PCDHGB5: variants seen among roughly 807,000 people sequenced by gnomAD.
PCDHGB5 encodes protocadherin gamma-B5.
Under a neutral mutation model 62.9 loss-of-function variants are expected in PCDHGB5, and 48 were observed. The observed-to-expected ratio is 0.76, with a 90% CI of 0.61 to 0.97. PCDHGB5 has a LOEUF of 0.97. Ranked by LOEUF, PCDHGB5 falls within the 50% of genes least tolerant of loss-of-function variation. The pLI, the probability that PCDHGB5 is intolerant of heterozygous loss-of-function variation, is 0.00. For synonymous variants in PCDHGB5, 474 were observed against 511.2 expected, an observed-to-expected ratio of 0.93 and a Z score of 0.98; for missense variants, 1,118 against 1,198.6, an observed-to-expected ratio of 0.93 and a Z score of 0.99.
Position 141,486,639 on chromosome 5 carries a change from T to G in PCDHGB5, c.2398-8168T>G, listed in dbSNP as rs1250700423. ...GACCCAGACTCTGGCTTGAATGCGC[T>G]TATCTCCTACTCACTCCTGGAGCCC... On this transcript the variant is annotated intron_variant, in intron 1 of 3. Transcript: ENST00000617380. The surrounding 1 kb of genome is among the most constrained non-coding windows in gnomAD (Gnocchi z 5.0). The G allele has an allele frequency of 6.2e-7, 1 of 1,613,818 alleles. No individual in the cohort carries two copies. The highest frequency in any genetic ancestry group is 1.1e-5 in the South Asian group (1 of 91,084).
At chr5:141,407,535 T>C (rs1471174995) in intron 1 of PCDHGB5, among the ~76,000 whole-genome samples, 1 of 151,840 alleles carries the variant, frequency 6.6e-6, no homozygotes, top group Non-Finnish European at 1.5e-5. Context: ...TTATTGTGCA[T>C]TGGTAACAGA....
In PCDHGB5 at chr5:141,430,862, G is replaced by A. The variant is rs1365140768; in HGVS notation, c.2397+30338G>A. ...CGGATGCACCCAGATACGCTATTCA[G>A]TTCCGGAAGAGCTGGAGAAAGGCTC... is the stretch of plus-strand genomic sequence containing the variant. On this transcript the variant is annotated intron_variant, in intron 1 of 3. Transcript: ENST00000617380. 3 of 1,594,672 alleles carry A rather than the reference G, an allele frequency of 1.9e-6. No individual in the cohort carries two copies. The African/African-American group carries it at 4.0e-5, about 21-fold the overall frequency.
At chr5:141,492,189 G>A (rs2099737936) in intron 1 of PCDHGB5, among the ~76,000 whole-genome samples, 1 of 152,204 alleles carries the variant, frequency 6.6e-6, no homozygotes, top group East Asian at 1.9e-4. Flanking sequence ...GCACCTGTCT[G>A]CGGGACTTAG....
chr5:141,479,435 G>C (rs2099495981), intron 1 of PCDHGB5: 1 of 152,218 alleles, frequency 6.6e-6, no homozygotes, highest in Non-Finnish European at 1.5e-5. Context: ...TCAATCCACT[G>C]TCTGCACTAA....
rs779686795 is a variant in PCDHGB5 at position 141,476,566 on chromosome 5, G to C, written c.2398-18241G>C. The stretch of plus-strand genomic sequence containing the variant: ...TGGAGATTAGCGAGGCCGTGGCTCC[G>C]GGGACGCGCTTTCCGCTCGAGAGCG... On this transcript the variant is annotated intron_variant, in intron 1 of 3. Transcript: ENST00000617380. This position sits in a 1 kb window ranked among gnomAD's most constrained non-coding sequence, Gnocchi z 7.6. 1.2e-6 allele frequency: 2 copies of C among 1,614,180 alleles called. No homozygotes were observed. The highest frequency in any genetic ancestry group is 1.7e-5 in the Admixed American group (1 of 60,030).
Position 141,423,358 on chromosome 5 carries a change from G to A in PCDHGB5, c.2397+22834G>A, listed in dbSNP as rs202010010. The A allele has an allele frequency of 2.3e-4, 371 of 1,614,078 alleles. 1 individual carries two copies. The highest frequency in any genetic ancestry group is 2.8e-4 in the Non-Finnish European group (334 of 1,180,024). ...CTGCATCTTCCTGGTCTTTGTCATC[G>A]TGCTGCTGGCACTCAGGCTGTGGCG... On this transcript the variant is annotated intron_variant, in intron 1 of 3. Coordinates refer to ENST00000617380, the MANE Select transcript of PCDHGB5 (RefSeq NM_018925.3).
rs561824381 is a variant in PCDHGB5 at position 141,449,084 on chromosome 5, C to T, written c.2398-45723C>T. Among the ~76,000 whole-genome samples, 8 of 152,250 alleles carry T rather than the reference C, an allele frequency of 5.3e-5. No individual in the cohort carries two copies. In the East Asian group the frequency reaches 1.4e-3, roughly 26 times the overall value. The stretch of plus-strand genomic sequence containing the variant: ...CTATTGAATAGCCCTGTACCTACAT[C>T]AGTTTTTACATATGCAGTATATCTT... On this transcript the variant is annotated intron_variant, in intron 1 of 3. Transcript: ENST00000617380.
chr5:141,455,961 G>C (rs1447678052), intron 1 of PCDHGB5, among the ~76,000 whole-genome samples: 1 of 150,954 alleles, frequency 6.6e-6, no homozygotes, highest in African/African-American at 2.4e-5. Context: ...GCAGTGGCGC[G>C]ATCTCAGCTC....
chr5:141,502,629 G>A (rs1368174848), intron 2 of PCDHGB5, among the ~76,000 whole-genome samples: 1 of 152,096 alleles, frequency 6.6e-6, no homozygotes, highest in Non-Finnish European at 1.5e-5. Context: ...GTAATCTGTG[G>A]ATGATACTTT....
At position 141,399,261 on chromosome 5, in the gene PCDHGB5, T is replaced by G; in HGVS notation, c.1134T>G (p.Val378=). 1.2e-6 allele frequency: 2 copies of G among 1,613,918 alleles called. No homozygotes were observed. The highest frequency in any genetic ancestry group is 1.7e-6 in the Non-Finnish European group (2 of 1,179,838). The change falls in exon 1 of 4, where the codon GTT becomes GTG. Residue 378 remains valine, a synonymous_variant. Coordinates refer to ENST00000617380, the MANE Select transcript of PCDHGB5 (RefSeq NM_018925.3). ...AAGATTCTGGGGAAAATGGGGAGGT[T>G]AATTGTCAATTACAAGGCGAAGTCC... ...HDQDSGENGE[V]NCQLQGEVPF...
rs1434083091 is a variant in PCDHGB5 at position 141,450,833 on chromosome 5, T to TA, written c.2398-43974_2398-43973insA. 6.4e-3 allele frequency among the ~76,000 whole-genome samples: 943 copies of TA among 147,260 alleles called. 6 individuals carry two copies. The highest frequency in any genetic ancestry group is 0.014 in the Middle Eastern group (4 of 276). ...TTATTTAATATTATTATTATTATTT[T>TA]TTTTTTTTTGAGATGGGGTCTTGCT... is the stretch of plus-strand genomic sequence containing the variant. On this transcript the variant is annotated intron_variant, in intron 1 of 3. Coordinates refer to ENST00000617380, the MANE Select transcript of PCDHGB5 (RefSeq NM_018925.3).
Position 141,490,271 on chromosome 5 carries a change from A to G in PCDHGB5, c.2398-4536A>G, listed in dbSNP as rs750463186. 6.8e-6 allele frequency: 11 copies of G among 1,614,246 alleles called. No homozygotes were observed. Among genetic ancestry groups the G allele is most frequent in the Non-Finnish European group, 8.5e-6 (10 of 1,180,054 alleles). On this transcript the variant is annotated intron_variant, in intron 1 of 3. Coordinates refer to ENST00000617380, the MANE Select transcript of PCDHGB5 (RefSeq NM_018925.3). The surrounding 1 kb of genome is among the most constrained non-coding windows in gnomAD (Gnocchi z 5.4). The stretch of plus-strand genomic sequence containing the variant: ...ATTCAAGTGGATGTGGGGGATGTCA[A>G]TGACAATGCCCCAGAGGTGCTATTG...
At chr5:141,438,591 C>CATATATATATATATATATAT (rs946798767) in intron 1 of PCDHGB5, among the ~76,000 whole-genome samples, 1 of 75,562 alleles carries the variant, frequency 1.3e-5, no homozygotes, top group Non-Finnish European at 2.7e-5. Context: ...TACATACATA[C>CATATATATATATATATATAT]ATATATATAT....
chr5:141,488,014 C>T (rs2099670661), intron 1 of PCDHGB5, among the ~76,000 whole-genome samples: 1 of 152,120 alleles, frequency 6.6e-6, no homozygotes, highest in South Asian at 2.1e-4. Context: ...TCTGAAGTAC[C>T]TTAACTCTAG....
intron 1 of PCDHGB5, chr5:141,413,835 C>T (rs762735722): frequency 1.9e-6 from 3 of 1,613,258 alleles, no homozygotes. Context: ...CCGCCTCCGA[C>T]GGGGGTGACC....
chr5:141,496,876 A>G (rs964149656), intron 2 of PCDHGB5, among the ~76,000 whole-genome samples: 1 of 149,154 alleles, frequency 6.7e-6, no homozygotes, highest in African/African-American at 2.5e-5. Flanking sequence ...AAAATTTGCA[A>G]CAAGTAACAC....
Position 141,476,472 on chromosome 5 carries a change from T to C in PCDHGB5, c.2398-18335T>C. On this transcript the variant is annotated intron_variant, in intron 1 of 3. Coordinates refer to ENST00000617380, the MANE Select transcript of PCDHGB5 (RefSeq NM_018925.3). The surrounding 1 kb of genome is among the most constrained non-coding windows in gnomAD (Gnocchi z 7.6). The stretch of plus-strand genomic sequence containing the variant: ...GTAGTGGAGAACCCGCTGGAGCTGT[T>C]CAGCGTGGAAGTGGTGATCCAGGAC... 1 of 1,614,098 alleles carries C rather than the reference T, an allele frequency of 6.2e-7. No homozygotes were observed. The highest frequency in any genetic ancestry group is 8.5e-7 in the Non-Finnish European group (1 of 1,180,024).
At chr5:141,401,113 G>A (rs2094114942) in intron 1 of PCDHGB5, among the ~76,000 whole-genome samples, 1 of 152,192 alleles carries the variant, frequency 6.6e-6, no homozygotes, top group Non-Finnish European at 1.5e-5. Flanking sequence ...GGAGGCCGAG[G>A]CGGTTGGATC....
rs767425379 is a variant in PCDHGB5, at chr5:141,403,635, T to C, written c.2397+3111T>C. 1.1e-5 allele frequency: 18 copies of C among 1,613,902 alleles called. No individual in the cohort carries two copies. The South Asian group carries it at 1.8e-4, about 16-fold the overall frequency. On this transcript the variant is annotated intron_variant, in intron 1 of 3. Transcript: ENST00000617380. ...CCGCGTCGCTCCAGCACAGTGCGCA[T>C]CCATGTGACAGTGTTGGATACAAAT... is the stretch of plus-strand genomic sequence containing the variant.
Sources: gnomAD v4.1 joint callset for allele counts (sites outside exome capture counted in the v4.1 genomes callset) on GRCh38, gnomAD v4.1.1 for gene constraint, Gnocchi (gnomAD v3.1) non-coding constraint, MANE v1.5 for transcripts, NCBI Gene and HGNC (gene_info 2026-07-23, HGNC 2026-07-21) for gene names.